The following NRG1 variants were observed in gnomAD, a reference collection of about 807,000 sequenced individuals.
The protein encoded by NRG1 is neuregulin 1.
A neutral mutation model predicts 63.8 loss-of-function variants in NRG1; 18 were observed. That is an observed-to-expected ratio of 0.28 (90% CI 0.19 to 0.42). NRG1 has a LOEUF of 0.42. NRG1 is among the 10% of genes least tolerant of loss of function. The probability of loss-of-function intolerance (pLI) is 1.00; values close to 1 mark genes in which losing one functional copy is unlikely to be tolerated. For synonymous variants in NRG1, 302 were observed against 301.3 expected, an observed-to-expected ratio of 1.00 and a Z score of -0.02; for missense variants, 762 against 814.7, an observed-to-expected ratio of 0.94 and a Z score of 0.79.
At chr8:32,090,978 T>G (rs999356125) in intron 1 of NRG1, among the ~76,000 whole-genome samples, 2 of 152,148 alleles carry the variant, frequency 1.3e-5, no homozygotes, top group African/African-American at 2.4e-5. Flanking sequence ...CATTTCCTCT[T>G]TTGTCAGATG....
At chr8:31,735,398 C>T (rs1324277580) in intron 1 of NRG1, among the ~76,000 whole-genome samples, 1 of 152,044 alleles carries the variant, frequency 6.6e-6, no homozygotes, top group Non-Finnish European at 1.5e-5. Context: ...AAAAAAAACC[C>T]CACTGTCTTC....
chr8:31,952,451 G>A (rs183156106), intron 1 of NRG1, among the ~76,000 whole-genome samples: 5 of 152,304 alleles, frequency 3.3e-5, no homozygotes, highest in Admixed American at 3.3e-4. Context: ...AATTTCTCAG[G>A]GGAGCAGAGT....
At chr8:32,681,810 G>A (rs1409364258) in intron 5 of NRG1, among the ~76,000 whole-genome samples, 13 of 152,110 alleles carry the variant, frequency 8.5e-5, no homozygotes, top group Admixed American at 7.2e-4. Context: ...AACAGACGGC[G>A]ACCCATTTAT....
intron 1 of NRG1, among the ~76,000 whole-genome samples, chr8:31,653,518 AG>A (rs1469494663): frequency 6.6e-6 from 1 of 152,216 alleles, no homozygotes; most frequent in African/African-American, 2.4e-5. Flanking sequence ...TGGCTGAAAT[AG>A]GCAGGGTTCC....
intron 1 of NRG1, among the ~76,000 whole-genome samples, chr8:31,835,994 A>T (rs1825658747): frequency 2.6e-5 from 4 of 152,188 alleles, no homozygotes; most frequent in Admixed American, 2.0e-4. Flanking sequence ...TTAAATGTAA[A>T]TACCCACATG....
At chr8:32,399,254 T>C (rs1335163575) in intron 1 of NRG1, among the ~76,000 whole-genome samples, 1 of 152,220 alleles carries the variant, frequency 6.6e-6, no homozygotes, top group Non-Finnish European at 1.5e-5. Flanking sequence ...ACTTCTGATA[T>C]AAGGTAAAAC....
intron 6 of NRG1, among the ~76,000 whole-genome samples, chr8:32,729,452 G>A (rs570746762): frequency 6.6e-6 from 1 of 152,220 alleles, no homozygotes; most frequent in Non-Finnish European, 1.5e-5. Flanking sequence ...AAAACATGCA[G>A]TGGGGACATT....
At chr8:32,638,287 A>G (rs1563824037) in intron 5 of NRG1, among the ~76,000 whole-genome samples, 3 of 152,216 alleles carry the variant, frequency 2.0e-5, no homozygotes, top group Admixed American at 1.3e-4. Context: ...CACGTTGTGC[A>G]CATGTACCCT....
chr8:31,995,760 G>A (rs1044038541), intron 1 of NRG1, among the ~76,000 whole-genome samples: 1 of 151,896 alleles, frequency 6.6e-6, no homozygotes, highest in African/African-American at 2.4e-5. Context: ...AGTTGGAGAG[G>A]AAACAGATTC....
At chr8:31,855,108 T>A (rs1161656292) in intron 1 of NRG1, among the ~76,000 whole-genome samples, 2 of 151,912 alleles carry the variant, frequency 1.3e-5, no homozygotes, top group Non-Finnish European at 2.9e-5. Context: ...GGTGGAGAGT[T>A]CTGTAGATGT....
chr8:32,414,982 T>C (rs1815656422), intron 1 of NRG1, among the ~76,000 whole-genome samples: 1 of 152,146 alleles, frequency 6.6e-6, no homozygotes, highest in South Asian at 2.1e-4. Context: ...AGGGAGATGA[T>C]ACCTAAACTT....
chr8:32,093,879 T>C (rs1687394143), intron 1 of NRG1, among the ~76,000 whole-genome samples: 1 of 152,168 alleles, frequency 6.6e-6, no homozygotes, highest in African/African-American at 2.4e-5. Context: ...AAGATGTGGA[T>C]GTACCTCTCT....
chr8:31,856,941 G>GGGTCAGT (rs561265926), intron 1 of NRG1, among the ~76,000 whole-genome samples: 252 of 152,290 alleles, frequency 1.7e-3, no homozygotes, highest in African/African-American at 5.9e-3. Flanking sequence ...CAGGTGTCAG[G>GGGTCAGT]GACCCACTTG....
intron 1 of NRG1, among the ~76,000 whole-genome samples, chr8:32,072,359 C>T (rs1297736184): frequency 6.6e-6 from 1 of 151,508 alleles, no homozygotes; most frequent in African/African-American, 2.4e-5. Context: ...TTCATTTCCT[C>T]TGGGGAAATA....
intron 1 of NRG1, among the ~76,000 whole-genome samples, chr8:32,583,952 T>G (rs1439772976): frequency 6.6e-6 from 1 of 152,210 alleles, no homozygotes; most frequent in African/African-American, 2.4e-5. Flanking sequence ...AAAATTGTAT[T>G]ACATTCTGGG....
chr8:31,928,572 T>A (rs909745260), intron 1 of NRG1, among the ~76,000 whole-genome samples: 11 of 151,942 alleles, frequency 7.2e-5, no homozygotes, highest in Admixed American at 3.3e-4. Flanking sequence ...TAAGTGCCCA[T>A]CTACTGATGA....
intron 1 of NRG1, among the ~76,000 whole-genome samples, chr8:31,770,154 T>C (rs1323952369): frequency 6.6e-6 from 1 of 152,108 alleles, no homozygotes; most frequent in East Asian, 1.9e-4. Flanking sequence ...TGTGAAAAAG[T>C]TCCCAGCAAT....
chr8:32,271,776 C>T (rs1478371126), intron 1 of NRG1, among the ~76,000 whole-genome samples: 1 of 152,126 alleles, frequency 6.6e-6, no homozygotes, highest in East Asian at 1.9e-4. Flanking sequence ...TTATGTGTCC[C>T]TTACTCTACA....
intron 1 of NRG1, among the ~76,000 whole-genome samples, chr8:32,448,027 G>T (rs973576381): frequency 6.6e-6 from 1 of 152,004 alleles, no homozygotes; most frequent in South Asian, 2.1e-4. Flanking sequence ...TAAAGTTTAG[G>T]TATTTCATCT....
Sources: gnomAD v4.1 joint callset for allele counts (sites outside exome capture counted in the v4.1 genomes callset) on GRCh38, gnomAD v4.1.1 for gene constraint, MANE v1.5 for transcripts, NCBI Gene and HGNC (gene_info 2026-07-23, HGNC 2026-07-21) for gene names.